The following SORCS1 variants were observed in gnomAD, a reference collection of about 807,000 sequenced individuals.
SORCS1 encodes the protein VPS10 domain-containing receptor SorCS1.
In SORCS1, 60 loss-of-function variants were observed where a neutral mutation model predicts 146.1. The ratio of observed to expected loss-of-function variants is 0.41; its 90% CI spans 0.33 to 0.51. The LOEUF (loss-of-function observed/expected upper bound fraction) is 0.51. SORCS1 is among the 20% of genes least tolerant of loss of function. SORCS1 has a pLI of 0.21. For missense variants in SORCS1, 1,352 were observed against 1,487.6 expected (o/e 0.91, Z 1.50); for synonymous variants, 637 against 584.0 (o/e 1.09, Z -1.31).
intron 1 of SORCS1, among the ~76,000 whole-genome samples, chr10:107,038,406 G>C (rs1959001703): frequency 7.6e-6 from 1 of 131,442 alleles, no homozygotes; most frequent in Admixed American, 7.9e-5. Flanking sequence ...TGGGTGGGGG[G>C]GGAGAGACAG....
At chr10:107,084,997 G>T (rs149276940) in intron 1 of SORCS1, among the ~76,000 whole-genome samples, 1 of 152,276 alleles carries the variant, frequency 6.6e-6, no homozygotes, top group Non-Finnish European at 1.5e-5. Context: ...TGAAACCAGT[G>T]TCTGGTCTTG....
intron 2 of SORCS1, among the ~76,000 whole-genome samples, chr10:106,955,034 C>T (rs1200639870): frequency 6.6e-6 from 1 of 152,246 alleles, no homozygotes; most frequent in Non-Finnish European, 1.5e-5. Flanking sequence ...GGCGCTGGGC[C>T]AGCCTAGGAG....
intron 1 of SORCS1, among the ~76,000 whole-genome samples, chr10:107,084,474 C>T (rs753980649): frequency 6.6e-5 from 10 of 151,274 alleles, no homozygotes; most frequent in African/African-American, 2.2e-4. Flanking sequence ...GTTTAAGCCA[C>T]GGTATGTATA....
intron 8 of SORCS1, among the ~76,000 whole-genome samples, chr10:106,700,239 T>A (rs959251454): frequency 6.6e-5 from 10 of 152,236 alleles, no homozygotes; most frequent in Middle Eastern, 3.4e-3. Context: ...GGTGGGAATT[T>A]CAAATTCTTT....
intron 3 of SORCS1, among the ~76,000 whole-genome samples, chr10:106,825,860 C>T (rs558978585): frequency 6.6e-6 from 1 of 152,244 alleles, no homozygotes; most frequent in South Asian, 2.1e-4. Flanking sequence ...CGGCCAGATG[C>T]AGGTTTCCTT....
chr10:106,607,377 CA>C (rs950585798), intron 22 of SORCS1, 80 bp from the exon 23 acceptor site: 22 of 1,552,000 alleles, frequency 1.4e-5, no homozygotes, highest in African/African-American at 5.5e-5. Context: ...GTGGGGGGAT[CA>C]GGGGTAGGCA....
In SORCS1 at chr10:106,940,055, T is replaced by C. The variant is rs145083324; in HGVS notation, c.626+16458A>G. Among the ~76,000 whole-genome samples the C allele has an allele frequency of 3.0e-3, 450 of 152,336 alleles. 5 individuals carry two copies. The highest frequency in any genetic ancestry group is 8.1e-3 in the African/African-American group (337 of 41,582). On this transcript the variant is annotated intron_variant, in intron 2 of 25. Transcript: ENST00000263054. ...GACATTACATTTGTATTTGAACAAA[T>C]GTACCTCTGCTTTAGCATTAGATAA...
At chr10:107,134,407 G>A (rs757545736) in intron 1 of SORCS1, among the ~76,000 whole-genome samples, 1 of 152,198 alleles carries the variant, frequency 6.6e-6, no homozygotes, top group Non-Finnish European at 1.5e-5. Context: ...GGGAGGCCAA[G>A]GCGGATGGAT....
chr10:107,026,117 C>A (rs1239675959), intron 1 of SORCS1, among the ~76,000 whole-genome samples: 1 of 152,264 alleles, frequency 6.6e-6, no homozygotes, highest in East Asian at 1.9e-4. Context: ...GAATACATGA[C>A]CCAAATCTGC....
At chr10:106,955,028 C>G (rs549939039) in intron 2 of SORCS1, among the ~76,000 whole-genome samples, 21 of 152,376 alleles carry the variant, frequency 1.4e-4, no homozygotes, top group Admixed American at 4.6e-4. Context: ...AGCAGTGGCG[C>G]TGGGCCAGCC....
chr10:106,784,366 G>A (rs1299666790), intron 3 of SORCS1, among the ~76,000 whole-genome samples: 1 of 149,206 alleles, frequency 6.7e-6, no homozygotes, highest in East Asian at 2.0e-4. Flanking sequence ...CTGCTCTCCA[G>A]CCTGGGCGAC....
At chr10:106,645,697 T>C (rs1256635094) in intron 18 of SORCS1, among the ~76,000 whole-genome samples, 1 of 150,122 alleles carries the variant, frequency 6.7e-6, no homozygotes, top group South Asian at 2.1e-4. Context: ...CTTCTAATTA[T>C]GATTCCCTCA....
intron 5 of SORCS1, among the ~76,000 whole-genome samples, chr10:106,757,162 CTATT>C (rs1858710198): frequency 1.3e-5 from 2 of 152,088 alleles, no homozygotes; most frequent in Admixed American, 1.3e-4. Flanking sequence ...TTCACAATTG[CTATT>C]TATTACTTCC....
chr10:107,068,451 CTAACATGG>C (rs1038710781), intron 1 of SORCS1, among the ~76,000 whole-genome samples: 1 of 152,168 alleles, frequency 6.6e-6, no homozygotes, highest in Admixed American at 6.5e-5. Flanking sequence ...GAACCAGGTA[CTAACATGG>C]TTAGTCTTTT....
chr10:106,627,035 A>C (rs1217009546), intron 19 of SORCS1, among the ~76,000 whole-genome samples: 1 of 152,220 alleles, frequency 6.6e-6, no homozygotes, highest in Non-Finnish European at 1.5e-5. Flanking sequence ...TTGCAAATGA[A>C]TGAAGAAACT....
intron 2 of SORCS1, among the ~76,000 whole-genome samples, chr10:106,937,830 G>A (rs1329241392): frequency 6.6e-6 from 1 of 152,062 alleles, no homozygotes; most frequent in African/African-American, 2.4e-5. Context: ...CGGACATGGT[G>A]GCAGGTGCCT....
intron 1 of SORCS1, among the ~76,000 whole-genome samples, chr10:106,995,795 A>C (rs991836090): frequency 1.3e-5 from 2 of 152,188 alleles, no homozygotes; most frequent in African/African-American, 2.4e-5. Context: ...TTTAAAAAAA[A>C]ACAAAATCAT....
intron 18 of SORCS1, among the ~76,000 whole-genome samples, chr10:106,630,633 A>G (rs1848386379): frequency 6.6e-6 from 1 of 152,214 alleles, no homozygotes; most frequent in Non-Finnish European, 1.5e-5. Flanking sequence ...GTATAATAAT[A>G]CCTTCCTGTC....
chr10:106,797,738 G>T (rs1946643724), intron 3 of SORCS1, among the ~76,000 whole-genome samples: 1 of 152,098 alleles, frequency 6.6e-6, no homozygotes, highest in South Asian at 2.1e-4. Flanking sequence ...ACCACCTTCA[G>T]TCCATGCAGC....
Sources: gnomAD v4.1 joint callset for allele counts (sites outside exome capture counted in the v4.1 genomes callset) on GRCh38, gnomAD v4.1.1 for gene constraint, MANE v1.5 for transcripts, NCBI Gene and HGNC (gene_info 2026-07-23, HGNC 2026-07-21) for gene names.